The following ATG16L2 variants were observed in gnomAD, a reference collection of about 807,000 sequenced individuals.
The protein encoded by ATG16L2 is autophagy related 16 like 2, also known as protein Atg16l2.
Under a neutral mutation model 84.7 loss-of-function variants are expected in ATG16L2, and 77 were observed. The ratio of observed to expected loss-of-function variants is 0.91; its 90% CI spans 0.76 to 1.10. ATG16L2 has a LOEUF of 1.10. ATG16L2 is among the 50% of genes least tolerant of loss of function. The probability of loss-of-function intolerance (pLI) is 0.00; values close to 1 mark genes in which losing one functional copy is unlikely to be tolerated. For synonymous variants in ATG16L2, 361 were observed against 342.8 expected (o/e 1.05, Z -0.59); for missense variants, 782 against 817.6 (o/e 0.96, Z 0.53).
At chr11:72,840,459 T>C (rs752010595) in intron 5 of ATG16L2, among the ~76,000 whole-genome samples, 3 of 152,186 alleles carry the variant, frequency 2.0e-5, no homozygotes, top group Admixed American at 6.5e-5. Flanking sequence ...TGCAATAATA[T>C]ATTCACCCGG....
intron 1 of ATG16L2, 89 bp from the exon 2 acceptor site, chr11:72,816,639 T>A: frequency 9.1e-7 from 1 of 1,097,216 alleles, no homozygotes; most frequent in East Asian, 2.4e-5. Context: ...TCTGGGCTCC[T>A]TCAGCCCTTT....
chr11:72,835,339 A>G (rs1255895872), intron 5 of ATG16L2, among the ~76,000 whole-genome samples: 3 of 152,220 alleles, frequency 2.0e-5, no homozygotes, highest in Admixed American at 2.0e-4. Context: ...AAGACTATCA[A>G]GGACCCTAGT....
chr11:72,816,483 T>G (rs1485244389), intron 1 of ATG16L2: 4 of 479,162 alleles, frequency 8.3e-6, no homozygotes, highest in African/African-American at 7.7e-5. Flanking sequence ...CTTCTGTCCC[T>G]GGGAGAGCAG....
intron 5 of ATG16L2, among the ~76,000 whole-genome samples, chr11:72,834,956 G>A (rs1046399666): frequency 4.6e-5 from 7 of 152,244 alleles, no homozygotes; most frequent in Non-Finnish European, 8.8e-5. Context: ...CAGTGGCAGG[G>A]CTAAGGCCAG....
intron 1 of ATG16L2, among the ~76,000 whole-genome samples, chr11:72,815,426 C>T (rs900486208): frequency 6.6e-6 from 1 of 152,214 alleles, no homozygotes; most frequent in Non-Finnish European, 1.5e-5. Flanking sequence ...CAGCCCCCAC[C>T]TCCAGCAGCC....
Position 72,822,793 on chromosome 11 carries a change from T to TCTCC in ATG16L2, c.711-54_711-53insTCCC. 1 of 1,344,194 alleles carries TCTCC rather than the reference T, an allele frequency of 7.4e-7. No individual in the cohort carries two copies. The highest frequency in any genetic ancestry group is 1.0e-6 in the Non-Finnish European group (1 of 973,750). The allele number at this position is 1,344,194 out of a possible 1,614,324, so 83.3% of individuals were successfully genotyped here. On this transcript the variant is annotated intron_variant, in intron 6 of 17. Transcript: ENST00000321297. This position sits in a 1 kb window ranked among gnomAD's most constrained non-coding sequence, Gnocchi z 4.2. ...GTCTTCAGCGTATCCTGTGCTGGGG[T>TCTCC]CGGGAGGGGCTGGCTTGGTCCCTTG... is the stretch of plus-strand genomic sequence containing the variant.
Position 72,817,935 on chromosome 11 carries a change from T to A in ATG16L2, c.318+80T>A, listed in dbSNP as rs372993822. ...AGCCAGTGACGGGTACTCCTGTGTT[T>A]GCTGAATTCTCCAAGCCCAGTGCTG... On this transcript the variant is annotated intron_variant, in intron 3 of 17. Transcript: ENST00000321297. 89 of 1,239,920 alleles carry A rather than the reference T, an allele frequency of 7.2e-5. No individual in the cohort carries two copies. The East Asian group carries it at 1.2e-3, about 16-fold the overall frequency. 76.8% of individuals were successfully genotyped at this position (1,239,920 alleles called of 1,614,324 possible). A position where few individuals can be genotyped will look rare whatever the true frequency, so the allele number is the denominator to read the frequency against.
In ATG16L2 at chr11:72,841,653, T is replaced by A; in HGVS notation, c.*22-964T>A. On this transcript the variant is annotated intron_variant, in intron 5 of 5. Coordinates refer to the ATG16L2 transcript ENST00000534905. ...AGGAGAGCCTGGCTGCTTCTCTGAC[T>A]GCTCTGTACTCATGCCTTTTCTCTA... The A allele has an allele frequency of 2.8e-6, 4 of 1,424,978 alleles. 1 individual carries two copies. The South Asian group carries it at 4.3e-5, about 15-fold the overall frequency. The allele number at this position is 1,424,978 out of a possible 1,614,324, so 88.3% of individuals were successfully genotyped here.
intron 7 of ATG16L2, chr11:72,823,573 C>T (rs2135103549): frequency 2.3e-6 from 1 of 425,734 alleles, no homozygotes; most frequent in East Asian, 7.0e-5. Flanking sequence ...GGTGTCCAGG[C>T]CTTGGGGCAG....
Position 72,823,134 on chromosome 11 carries a change from T to A in ATG16L2, c.824+173T>A, listed in dbSNP as rs533636867. ...CTGACCTCCATTGTCTGGAGCCACTTGGGGTCAGTTCCATCTCACCCCCCC... is the reference window on the plus strand; with the variant it reads ...CTGACCTCCATTGTCTGGAGCCACTAGGGGTCAGTTCCATCTCACCCCCCC... On this transcript the variant is annotated intron_variant, in intron 7 of 17. Transcript: ENST00000321297. 4.4e-5 allele frequency: 25 copies of A among 567,550 alleles called. No individual in the cohort carries two copies. In the East Asian group the frequency reaches 5.8e-4, roughly 13 times the overall value. The allele number at this position is 567,550 out of a possible 1,614,324, so 35.2% of individuals were successfully genotyped here.
rs1565263742 is a variant in ATG16L2 at position 72,822,092 on chromosome 11, G to A, written c.441G>A (p.Ala147=). The A allele has an allele frequency of 7.1e-6, 11 of 1,541,096 alleles. No homozygotes were observed. Among genetic ancestry groups the A allele is most frequent in the Non-Finnish European group, 8.7e-6 (10 of 1,154,812 alleles). Residue 147 remains alanine (A), a synonymous_variant, in exon 5 of 18, where the codon GCG becomes GCA. Coordinates refer to ENST00000321297, the MANE Select transcript of ATG16L2 (RefSeq NM_033388.2). This position sits in a 1 kb window ranked among gnomAD's most constrained non-coding sequence, Gnocchi z 4.2. ...TGGCGCAGCTGCGAGAGGCGCGGGC[G>A]CAGCAGGCCCAGCAGGTGGAGGAGT... ...ARVAQLREAR[A]QQAQQVEEWR...
Position 72,824,826 on chromosome 11 carries a change from G to C in ATG16L2, c.980G>C (p.Arg327Pro), listed in dbSNP as rs766599053. The C allele has an allele frequency of 6.3e-7, 1 of 1,595,060 alleles. No individual in the cohort carries two copies. Among genetic ancestry groups the C allele is most frequent in the African/African-American group, 1.3e-5 (1 of 74,534 alleles). The change falls in exon 9 of 18, where the codon CGG becomes CCG. Residue 327 changes from arginine to proline, a missense_variant. Arg to Pro is a moderately radical substitution (Grantham distance 103, BLOSUM62 -2). Coordinates refer to ENST00000321297, the MANE Select transcript of ATG16L2 (RefSeq NM_033388.2). ...TGTGTGGCTGCCCGACTTCCTACCCGGGCTCAGGATGTGCTGGTAAGGGAG... is the reference window on the plus strand; with the variant it reads ...TGTGTGGCTGCCCGACTTCCTACCCCGGCTCAGGATGTGCTGGTAAGGGAG... ...PVCVAARLPTRAQDVLDAHLS... is the reference protein window; with the variant it reads ...PVCVAARLPTPAQDVLDAHLS...
rs201700689 is a variant in ATG16L2, at chr11:72,821,689, A to G, written c.340A>G (p.Lys114Glu). ...CGEMAYQVVEKGAALGTLESE... is the reference protein window; with the variant it reads ...CGEMAYQVVEEGAALGTLESE... The stretch of plus-strand genomic sequence containing the variant: ...CCAGATGGCCTACCAGGTGGTGGAG[A>G]AGGGCGCGGCCCTGGGCACGCTGGA... Residue 114 changes from lysine to glutamate, a missense_variant, in exon 4 of 18, where the codon AAG becomes GAG. Physicochemically the swap from Lys to Glu is moderately conservative, Grantham distance 56. Coordinates refer to ENST00000321297, the MANE Select transcript of ATG16L2 (RefSeq NM_033388.2). 6.5e-7 allele frequency: 1 copy of G among 1,536,990 alleles called. No homozygotes were observed. The highest frequency in any genetic ancestry group is 2.4e-5 in the East Asian group (1 of 40,864).
At chr11:72,821,160 G>A in intron 3 of ATG16L2, 1 of 953,186 alleles carries the variant, frequency 1.0e-6, no homozygotes, top group Non-Finnish European at 1.2e-6. Flanking sequence ...CTTTGGGCAA[G>A]ACACTTAAAC....
chr11:72,823,761 T>A (rs1860158794), intron 7 of ATG16L2: 1 of 521,996 alleles, frequency 1.9e-6, no homozygotes, highest in East Asian at 5.0e-5. Context: ...CTCTCCTCCC[T>A]GTAGGCCCCG....
chr11:72,829,082 T>C (rs1860529984), intron 17 of ATG16L2, 98 bp downstream of exon 17: 1 of 1,293,722 alleles, frequency 7.7e-7, no homozygotes, highest in South Asian at 1.2e-5. Flanking sequence ...CCAGCCCTTG[T>C]CCCTCCACCT....
intron 1 of ATG16L2, among the ~76,000 whole-genome samples, chr11:72,815,191 G>A (rs1859636662): frequency 6.6e-6 from 1 of 152,238 alleles, no homozygotes; most frequent in South Asian, 2.1e-4. Flanking sequence ...AGCTGGTCAG[G>A]ATAGGGTGTG....
Position 72,824,055 on chromosome 11 carries a change from C to T in ATG16L2, c.825-5C>T. The T allele has an allele frequency of 6.2e-7, 1 of 1,614,248 alleles. No individual in the cohort carries two copies. The highest frequency in any genetic ancestry group is 1.1e-5 in the South Asian group (1 of 91,084). ...CTTAGCATATCTCTCTTGGTTTTGT[C>T]TCAGGTCTGCCTCAGCCACCTCCCT... On this transcript the variant is annotated splice_polypyrimidine_tract_variant and splice_region_variant and intron_variant, in intron 7 of 17. Coordinates refer to ENST00000321297, the MANE Select transcript of ATG16L2 (RefSeq NM_033388.2).
intron 10 of ATG16L2, 36 bp downstream of exon 10, chr11:72,825,443 TCTCTCCAGACC>T (rs1860293403): frequency 3.9e-6 from 6 of 1,532,934 alleles, no homozygotes; most frequent in Non-Finnish European, 4.5e-6. Context: ...ACTTGGTGCT[TCTCTCCAGACC>T]CTCTCCTCAG....
Sources: allele counts gnomAD v4.1 joint callset (sites outside exome capture counted in the v4.1 genomes callset), GRCh38; gene constraint gnomAD v4.1.1; non-coding constraint Gnocchi (gnomAD v3.1); transcripts MANE v1.5; gene names NCBI Gene and HGNC (gene_info 2026-07-23, HGNC 2026-07-21).